Variants in RB1 observed in about 807,000 individuals in gnomAD.
RB1 encodes RB transcriptional corepressor 1.
A neutral mutation model predicts 135.4 loss-of-function variants in RB1; 18 were observed. That is an observed-to-expected ratio of 0.13 (90% CI 0.09 to 0.20). RB1 has a LOEUF of 0.20. RB1 is among the 10% of genes least tolerant of loss of function. The pLI is 1.00. For missense variants in RB1, 868 were observed against 1,110.0 expected (o/e 0.78, Z 3.10); for synonymous variants, 365 against 373.2 (o/e 0.98, Z 0.25).
At chr13:48,345,251 C>T in intron 4 of RB1, 52 bp downstream of exon 4, 2 of 1,563,046 alleles carry the variant, frequency 1.3e-6, no homozygotes, top group Non-Finnish European at 1.8e-6. Flanking sequence ...TGTCATTGTT[C>T]ACAATTAGAT....
intron 6 of RB1, among the ~76,000 whole-genome samples, chr13:48,354,411 C>T (rs1952573319): frequency 6.6e-6 from 1 of 151,868 alleles, no homozygotes; most frequent in African/African-American, 2.4e-5. Flanking sequence ...CCATAGAATA[C>T]TGATGAAAGA....
At position 48,360,008 on chromosome 13, in the gene RB1, T is replaced by G. The variant is rs781780669; in HGVS notation, c.608-9T>G. 1.2e-6 allele frequency: 2 copies of G among 1,611,484 alleles called. No individual in the cohort carries two copies. Among genetic ancestry groups the G allele is most frequent in the Non-Finnish European group, 1.7e-6 (2 of 1,179,034 alleles). On this transcript the variant is annotated splice_polypyrimidine_tract_variant and intron_variant, in intron 6 of 26. Coordinates refer to ENST00000267163, the MANE Select transcript of RB1 (RefSeq NM_000321.3). ...TAACTTTCTTTAAAAATGTACATTT[T>G]TTTTTCAGGGGAAGTATTACAAATG... is the stretch of plus-strand genomic sequence containing the variant.
chr13:48,349,266 A>G (rs1291713616), intron 6 of RB1, among the ~76,000 whole-genome samples: 1 of 151,770 alleles, frequency 6.6e-6, no homozygotes, highest in African/African-American at 2.4e-5. Context: ...AAGAATAATG[A>G]TGTTACTGTT....
At chr13:48,367,388 T>A in intron 9 of RB1, 106 bp from the exon 10 acceptor site, 1 of 1,237,528 alleles carries the variant, frequency 8.1e-7, no homozygotes, top group Non-Finnish European at 1.1e-6. Flanking sequence ...TATTACAAAA[T>A]TAAATGTATA....
intron 2 of RB1, among the ~76,000 whole-genome samples, chr13:48,330,754 G>A (rs1014601404): frequency 1.3e-5 from 2 of 152,080 alleles, no homozygotes; most frequent in Admixed American, 6.5e-5. Context: ...CTTCTCAAAC[G>A]TTTTCAAAAA....
intron 13 of RB1, among the ~76,000 whole-genome samples, chr13:48,378,967 T>C (rs1238094203): frequency 6.6e-6 from 1 of 152,222 alleles, no homozygotes; most frequent in Non-Finnish European, 1.5e-5. Flanking sequence ...TAAAATTTGG[T>C]TATTCTTTCA....
chr13:48,453,775 G>C (rs1400643165), intron 18 of RB1, among the ~76,000 whole-genome samples: 3 of 152,144 alleles, frequency 2.0e-5, no homozygotes, highest in Non-Finnish European at 4.4e-5. Flanking sequence ...TCCACATGTT[G>C]CAAGAGAAAA....
At chr13:48,466,029 G>A (rs889224225) in intron 23 of RB1, among the ~76,000 whole-genome samples, 5 of 150,166 alleles carry the variant, frequency 3.3e-5, no homozygotes, top group African/African-American at 7.3e-5. Context: ...AAAGCAGCCG[G>A]GAAGCTCGAA....
chr13:48,350,424 A>G (rs889164281), intron 6 of RB1, among the ~76,000 whole-genome samples: 1 of 151,816 alleles, frequency 6.6e-6, no homozygotes, highest in Non-Finnish European at 1.5e-5. Flanking sequence ...CTGAATGGCC[A>G]TGGGTCAATG....
intron 17 of RB1, among the ~76,000 whole-genome samples, chr13:48,431,183 A>G (rs1470789305): frequency 6.6e-6 from 1 of 152,224 alleles, no homozygotes; most frequent in African/African-American, 2.4e-5. Flanking sequence ...AGATGCATCT[A>G]AACAAGCATA....
intron 17 of RB1, chr13:48,408,624 C>T (rs1471486634): frequency 6.6e-6 from 1 of 151,934 alleles, no homozygotes; most frequent in Non-Finnish European, 1.5e-5. Flanking sequence ...TATGACTTAC[C>T]ACAAAGTACA....
chr13:48,373,441 T>C lies in RB1; in HGVS notation c.1164T>C (p.Ile388=), dbSNP rs375239544. ...ACACTATCCAACAATTAATGATGAT[T>C]TTAAATTCAGCAAGTGATCAACCTT... ...VMNTIQQLMM[I]LNSASDQPSE... is the part of the protein sequence containing the mutation. Residue 388 remains isoleucine, a synonymous_variant, in exon 12 of 27, where the codon ATT becomes ATC. Coordinates refer to ENST00000267163, the MANE Select transcript of RB1 (RefSeq NM_000321.3). 6.3e-7 allele frequency: 1 copy of C among 1,599,030 alleles called. No individual in the cohort carries two copies. Among genetic ancestry groups the C allele is most frequent in the African/African-American group, 1.3e-5 (1 of 74,716 alleles).
intron 24 of RB1, among the ~76,000 whole-genome samples, chr13:48,474,740 C>A (rs1347537513): frequency 1.3e-5 from 2 of 152,032 alleles, no homozygotes; most frequent in Non-Finnish European, 2.9e-5. Context: ...CTAGGAGATC[C>A]AAGGGAAAGC....
chr13:48,397,150 T>A (rs888182902), intron 17 of RB1, among the ~76,000 whole-genome samples: 3 of 152,200 alleles, frequency 2.0e-5, no homozygotes, highest in African/African-American at 7.2e-5. Context: ...ACTGAGCATA[T>A]ACCCAAAGGA....
At chr13:48,374,854 G>T (rs552068776) in intron 12 of RB1, among the ~76,000 whole-genome samples, 1 of 151,388 alleles carries the variant, frequency 6.6e-6, no homozygotes, top group African/African-American at 2.4e-5. Context: ...TTCAACCCTC[G>T]CTCTCTTCCT....
At chr13:48,452,066 G>T (rs1349113241) in intron 17 of RB1, among the ~76,000 whole-genome samples, 1 of 151,750 alleles carries the variant, frequency 6.6e-6, no homozygotes, top group African/African-American at 2.4e-5. Flanking sequence ...TAAGCTCCTG[G>T]ATTCATTGAT....
chr13:48,459,902 T>TTCCTTCCTTCCTTCCTTCC (rs1949387782), intron 20 of RB1, 69 bp downstream of exon 20: 1 of 452,904 alleles, frequency 2.2e-6, no homozygotes, highest in African/African-American at 4.7e-5. Context: ...TCTTTCTTTC[T>TTCCTTCCTTCCTTCCTTCC]TTCTTTCTTT....
intron 23 of RB1, among the ~76,000 whole-genome samples, chr13:48,472,964 G>C (rs936877593): frequency 6.6e-6 from 1 of 152,024 alleles, no homozygotes; most frequent in Non-Finnish European, 1.5e-5. Context: ...TTAGAATTCT[G>C]ATTATTACTT....
rs1952049617 is a variant in RB1 at position 48,303,793 on chromosome 13, A to G, written c.-120A>G. 3 of 1,395,876 alleles carry G rather than the reference A, an allele frequency of 2.1e-6. No homozygotes were observed. The highest frequency in any genetic ancestry group is 2.8e-6 in the Non-Finnish European group (3 of 1,056,408). 86.5% of individuals were successfully genotyped at this position (1,395,876 alleles called of 1,614,324 possible). On this transcript the variant is annotated 5_prime_UTR_variant, in exon 1 of 27. Coordinates refer to ENST00000267163, the MANE Select transcript of RB1 (RefSeq NM_000321.3). ...GGGCGCGTCCGGTTTTTCTCAGGGGACGTTGAAATTATTTTTGTAACGGGA... is the reference window on the plus strand; with the variant it reads ...GGGCGCGTCCGGTTTTTCTCAGGGGGCGTTGAAATTATTTTTGTAACGGGA...
Sources: allele counts gnomAD v4.1 joint callset (sites outside exome capture counted in the v4.1 genomes callset), GRCh38; gene constraint gnomAD v4.1.1; transcripts MANE v1.5; gene names NCBI Gene and HGNC (gene_info 2026-07-23, HGNC 2026-07-21).